Variants in TMEM266 observed in about 807,000 individuals in gnomAD.
The protein encoded by TMEM266 is Hv1 related protein 1.
A neutral mutation model predicts 50.5 loss-of-function variants in TMEM266; 33 were observed. The ratio of observed to expected loss-of-function variants is 0.65; its 90% confidence interval spans 0.50 to 0.87. TMEM266 has a LOEUF of 0.87. Among genes scored for constraint, TMEM266 ranks in the 40% least tolerant of loss-of-function variants. The pLI, the probability that TMEM266 is intolerant of heterozygous loss-of-function variation, is 0.00. For synonymous variants in TMEM266, 310 were observed against 292.3 expected, an observed-to-expected ratio of 1.06 and a Z score of -0.62; for missense variants, 655 against 695.1, an observed-to-expected ratio of 0.94 and a Z score of 0.65.
chr15:76,162,794 C>G (rs2038038268), intron 5 of TMEM266, among the ~76,000 whole-genome samples: 1 of 152,182 alleles, frequency 6.6e-6, no homozygotes, highest in African/African-American at 2.4e-5. Context: ...GACCACAGAC[C>G]CAGGACGACT....
intron 4 of TMEM266, among the ~76,000 whole-genome samples, chr15:76,158,369 A>G (rs1406147124): frequency 6.6e-6 from 1 of 152,194 alleles, no homozygotes; most frequent in Non-Finnish European, 1.5e-5. Context: ...CCTGTCTTCA[A>G]TTAAACCATG....
chr15:76,202,149 G>A (rs1243696785), intron 9 of TMEM266, 53 bp from the exon 10 acceptor site: 2 of 1,493,418 alleles, frequency 1.3e-6, no homozygotes, highest in African/African-American at 1.4e-5. Flanking sequence ...AGGAGTATAA[G>A]GGGTAGAGAA....
intron 8 of TMEM266, among the ~76,000 whole-genome samples, chr15:76,177,618 C>T (rs1483232203): frequency 6.6e-6 from 1 of 152,256 alleles, no homozygotes; most frequent in Admixed American, 6.5e-5. Context: ...ACATGGCCCT[C>T]AGGGGCACGT....
At position 76,203,951 on chromosome 15, in the gene TMEM266, G is replaced by A. The variant is rs937888304; in HGVS notation, c.1232G>A (p.Cys411Tyr). ...CAGACGCTGGGCTCCTCCATGGACT[G>A]CAGCACTGCCCGCGAGGAGCCGTCC... The change falls in exon 11 of 11, where the codon TGC (cysteine) becomes TAC (tyrosine). Residue 411 changes from cysteine to tyrosine, a missense_variant. This residue lies in a region of TMEM266 where 455 missense variants were observed against 401.8 expected (regional missense o/e 1.13). Transcript: ENST00000388942. 5.6e-6 allele frequency: 9 copies of A among 1,613,254 alleles called. No individual in the cohort carries two copies. The highest frequency in any genetic ancestry group is 6.8e-6 in the Non-Finnish European group (8 of 1,179,628).
chr15:76,100,518 CTT>C (rs1338039460), intron 1 of TMEM266, among the ~76,000 whole-genome samples: 7 of 152,320 alleles, frequency 4.6e-5, no homozygotes, highest in Admixed American at 1.3e-4. Flanking sequence ...TGAGGACAGT[CTT>C]TGTCAGATTT....
At chr15:76,190,604 G>T (rs760841907) in intron 8 of TMEM266, among the ~76,000 whole-genome samples, 4 of 152,108 alleles carry the variant, frequency 2.6e-5, no homozygotes, top group Non-Finnish European at 4.4e-5. Context: ...ATGTTGGGGT[G>T]GGGGAAAGGG....
chr15:76,128,507 T>C (rs2037457648), intron 1 of TMEM266, among the ~76,000 whole-genome samples: 1 of 152,240 alleles, frequency 6.6e-6, no homozygotes, highest in Admixed American at 6.5e-5. Context: ...AAACAGGTTT[T>C]ATCTTCCACT....
chr15:76,171,798 G>A (rs147388155), intron 7 of TMEM266, among the ~76,000 whole-genome samples: 452 of 152,296 alleles, frequency 3.0e-3, no homozygotes, highest in African/African-American at 0.01. Context: ...ACTCTTGTCT[G>A]GAAAGCTGTG....
At chr15:76,152,461 C>T (rs1217845614) in intron 3 of TMEM266, among the ~76,000 whole-genome samples, 2 of 152,196 alleles carry the variant, frequency 1.3e-5, no homozygotes, top group Non-Finnish European at 2.9e-5. Context: ...GCTGTGGCTG[C>T]ACCAGCAGCA....
chr15:76,116,557 G>A (rs1469071872), intron 1 of TMEM266, among the ~76,000 whole-genome samples: 3 of 151,560 alleles, frequency 2.0e-5, no homozygotes, highest in Non-Finnish European at 1.5e-5. Flanking sequence ...GCACCCATCC[G>A]GAGTGGGGGT....
At chr15:76,152,583 GA>G (rs1442943214) in intron 3 of TMEM266, among the ~76,000 whole-genome samples, 1 of 152,166 alleles carries the variant, frequency 6.6e-6, no homozygotes, top group African/African-American at 2.4e-5. Context: ...TCTCATACTG[GA>G]GGTACTTCGG....
rs1418458741 is a variant in TMEM266 at position 76,153,972 on chromosome 15, C to T, written c.228-2632C>T. 6.6e-6 allele frequency among the ~76,000 whole-genome samples: 1 copy of T among 152,228 alleles called. No homozygotes were observed. The highest frequency in any genetic ancestry group is 2.4e-5 in the African/African-American group (1 of 41,462). On this transcript the variant is annotated intron_variant, in intron 3 of 10. Transcript: ENST00000388942. This position sits in a 1 kb window ranked among gnomAD's most constrained non-coding sequence, Gnocchi z 4.2. ...GCACCTGGCTTCCCTGGCCAGGTCCCTCCCTCCTGCCCCTTCGGGACAGAT... is the reference window on the plus strand; with the variant it reads ...GCACCTGGCTTCCCTGGCCAGGTCCTTCCCTCCTGCCCCTTCGGGACAGAT...
At chr15:76,072,157 G>A (rs973915697) in intron 1 of TMEM266, among the ~76,000 whole-genome samples, 11 of 151,992 alleles carry the variant, frequency 7.2e-5, no homozygotes, top group Non-Finnish European at 1.2e-4. Context: ...GCACTGGACC[G>A]GCCGGGTGCG....
chr15:76,152,924 G>A (rs1295336958), intron 3 of TMEM266, among the ~76,000 whole-genome samples: 1 of 152,036 alleles, frequency 6.6e-6, no homozygotes, highest in Non-Finnish European at 1.5e-5. Context: ...TGGGGGCGGC[G>A]TTCATTTGAC....
intron 1 of TMEM266, chr15:76,112,684 G>C (rs936730123): frequency 6.6e-5 from 10 of 152,152 alleles, no homozygotes; most frequent in African/African-American, 2.2e-4. Flanking sequence ...CACACTCATG[G>C]GGCCATCCAA....
intron 8 of TMEM266, among the ~76,000 whole-genome samples, chr15:76,190,562 G>A (rs2038552843): frequency 6.6e-6 from 1 of 152,112 alleles, no homozygotes; most frequent in African/African-American, 2.4e-5. Context: ...GGAGGGAGGC[G>A]GGACAGCTGC....
At chr15:76,138,041 G>A (rs1190977771) in intron 3 of TMEM266, 146 bp downstream of exon 3, 1 of 692,628 alleles carries the variant, frequency 1.4e-6, no homozygotes, top group East Asian at 3.5e-5. Flanking sequence ...GGCCAACATG[G>A]TAAAACCCTG....
At chr15:76,110,038 C>T (rs994745839) in intron 1 of TMEM266, among the ~76,000 whole-genome samples, 5 of 151,364 alleles carry the variant, frequency 3.3e-5, no homozygotes, top group African/African-American at 4.9e-5. Flanking sequence ...CTCACCCTGT[C>T]GCCCAGGCTG....
chr15:76,178,374 G>A (rs1450748137), intron 8 of TMEM266, among the ~76,000 whole-genome samples: 2 of 152,270 alleles, frequency 1.3e-5, no homozygotes, highest in African/African-American at 4.8e-5. Flanking sequence ...TCCAGAAAGC[G>A]ACTGGAAGCC....
Sources: allele counts gnomAD v4.1 joint callset (sites outside exome capture counted in the v4.1 genomes callset), GRCh38; gene constraint gnomAD v4.1.1; regional missense constraint gnomAD v4.1.1; non-coding constraint Gnocchi (gnomAD v3.1); transcripts MANE v1.5; gene names NCBI Gene and HGNC (gene_info 2026-07-23, HGNC 2026-07-21).